The following SCAPER variants were observed in gnomAD, a reference collection of about 807,000 sequenced individuals.
The protein encoded by SCAPER is S-phase cyclin A associated protein in the ER, also known as S phase cyclin A-associated protein in the endoplasmic reticulum.
Under a neutral mutation model 182.2 loss-of-function variants are expected in SCAPER, and 98 were observed. That is an observed-to-expected ratio of 0.54 (90% CI 0.46 to 0.64). The LOEUF (loss-of-function observed/expected upper bound fraction) is 0.64. Among genes scored for constraint, SCAPER ranks in the 30% least tolerant of loss-of-function variants. The pLI is 0.00. For synonymous variants in SCAPER, 605 were observed against 564.6 expected (o/e 1.07, Z -1.01); for missense variants, 1,432 against 1,690.0 (o/e 0.85, Z 2.68).
At chr15:76,673,506 A>G (rs191067325) in intron 20 of SCAPER, among the ~76,000 whole-genome samples, 1 of 152,130 alleles carries the variant, frequency 6.6e-6, no homozygotes, top group Non-Finnish European at 1.5e-5. Flanking sequence ...TAGAGTAAAT[A>G]TGGTTATATT....
chr15:76,481,955 T>G (rs1220467323), intron 24 of SCAPER, among the ~76,000 whole-genome samples: 1 of 152,244 alleles, frequency 6.6e-6, no homozygotes, highest in East Asian at 1.9e-4. Flanking sequence ...TTCTTCAGCA[T>G]TTCCTGAAAA....
rs115601854 is a variant in SCAPER at position 76,818,001 on chromosome 15, A to G, written c.394-13368T>C. 9.1e-3 allele frequency among the ~76,000 whole-genome samples: 1,387 copies of G among 152,314 alleles called. 21 individuals are homozygous for G. The highest frequency in any genetic ancestry group is 0.032 in the African/African-American group (1,348 of 41,558). Reference sequence around the variant, plus strand: ...CAAAAGACTCAGTAGAGCCAATACAATTTTGAAGAACAAAGCTGGTGGACT... The same window carrying G: ...CAAAAGACTCAGTAGAGCCAATACAGTTTTGAAGAACAAAGCTGGTGGACT... On this transcript the variant is annotated intron_variant, in intron 5 of 31. Transcript: ENST00000563290.
intron 20 of SCAPER, among the ~76,000 whole-genome samples, chr15:76,695,826 T>A (rs2058630928): frequency 6.6e-6 from 1 of 150,858 alleles, no homozygotes. Context: ...CACATACATT[T>A]ACACACACAC....
At chr15:76,688,181 A>G (rs1259591912) in intron 20 of SCAPER, among the ~76,000 whole-genome samples, 1 of 151,154 alleles carries the variant, frequency 6.6e-6, no homozygotes, top group Non-Finnish European at 1.5e-5. Context: ...GCATTTCTCT[A>G]ATGACCAGTG....
chr15:76,792,616 A>C (rs1417338972), intron 8 of SCAPER, among the ~76,000 whole-genome samples: 1 of 152,254 alleles, frequency 6.6e-6, no homozygotes, highest in Admixed American at 6.5e-5. Context: ...CCTTGTTGGA[A>C]GCCAGATGAC....
chr15:76,372,896 T>C (rs1361571436), intron 29 of SCAPER, among the ~76,000 whole-genome samples: 1 of 152,194 alleles, frequency 6.6e-6, no homozygotes, highest in African/African-American at 2.4e-5. Flanking sequence ...CTCAGCCATG[T>C]AAAATTAGTC....
At position 76,348,373 on chromosome 15, in the gene SCAPER, A is replaced by C. The variant is rs2040310111; in HGVS notation, c.*260T>G. ...CTCCTTTCACCCATATCACAAATGC[A>C]AAGTATATATTATCATAAGATGGAA... On this transcript the variant is annotated 3_prime_UTR_variant, in exon 32 of 32. Transcript: ENST00000563290. 2 of 246,436 alleles carry C rather than the reference A, an allele frequency of 8.1e-6. No individual in the cohort carries two copies. Among genetic ancestry groups the C allele is most frequent in the African/African-American group, 4.5e-5 (2 of 44,800 alleles). 15.3% of individuals were successfully genotyped at this position (246,436 alleles called of 1,614,324 possible). A position where few individuals can be genotyped will look rare whatever the true frequency, so the allele number is the denominator to read the frequency against.
intron 20 of SCAPER, among the ~76,000 whole-genome samples, chr15:76,695,033 T>G (rs2147177226): frequency 6.6e-6 from 1 of 152,290 alleles, no homozygotes; most frequent in East Asian, 1.9e-4. Flanking sequence ...GGACCTTCTT[T>G]AAGATATTTA....
At chr15:76,893,907 AC>A (rs1216459605) in intron 1 of SCAPER, among the ~76,000 whole-genome samples, 2 of 152,228 alleles carry the variant, frequency 1.3e-5, no homozygotes, top group Non-Finnish European at 2.9e-5. Flanking sequence ...CTTATGGAAT[AC>A]AATAAAAGCA....
intron 22 of SCAPER, among the ~76,000 whole-genome samples, chr15:76,581,801 G>T (rs1432854152): frequency 6.6e-6 from 1 of 151,942 alleles, no homozygotes; most frequent in Non-Finnish European, 1.5e-5. Flanking sequence ...GCCCAGGCTG[G>T]TCTCGAACTC....
intron 26 of SCAPER, among the ~76,000 whole-genome samples, chr15:76,430,030 G>T (rs553660917): frequency 6.6e-6 from 1 of 152,282 alleles, no homozygotes; most frequent in South Asian, 2.1e-4. Flanking sequence ...TGGCTAAAGG[G>T]GCCAAGATAC....
At chr15:76,735,093 C>T (rs1159214859) in intron 15 of SCAPER, among the ~76,000 whole-genome samples, 4 of 152,006 alleles carry the variant, frequency 2.6e-5, no homozygotes, top group Non-Finnish European at 5.9e-5. Flanking sequence ...TGCCTGTAAT[C>T]CCAGCACGTT....
chr15:76,559,698 T>G (rs767337762), intron 23 of SCAPER, among the ~76,000 whole-genome samples: 20 of 152,064 alleles, frequency 1.3e-4, no homozygotes, highest in Non-Finnish European at 2.5e-4. Context: ...TGAGTACACA[T>G]GAACACAAAG....
intron 26 of SCAPER, among the ~76,000 whole-genome samples, chr15:76,429,426 T>A (rs1215151140): frequency 6.6e-6 from 1 of 152,182 alleles, no homozygotes; most frequent in Non-Finnish European, 1.5e-5. Context: ...TGGAACTTCT[T>A]AAGAGACTTG....
chr15:76,351,053 G>T (rs1232254109), intron 31 of SCAPER, 184 bp downstream of exon 31: 6 of 478,306 alleles, frequency 1.3e-5, no homozygotes, highest in African/African-American at 9.9e-5. Flanking sequence ...ATATTTGGAT[G>T]CATTCATGCT....
chr15:76,354,281 A>T lies in SCAPER; in HGVS notation c.3856-141T>A. The T allele has an allele frequency of 1.7e-6, 1 of 591,432 alleles. No individual in the cohort carries two copies. Among genetic ancestry groups the T allele is most frequent in the Non-Finnish European group, 2.7e-6 (1 of 369,108 alleles). 36.6% of individuals were successfully genotyped at this position (591,432 alleles called of 1,614,324 possible). On this transcript the variant is annotated intron_variant, in intron 29 of 31. Transcript: ENST00000563290. This position sits in a 1 kb window ranked among gnomAD's most constrained non-coding sequence, Gnocchi z 4.4. ...GACTCCTGACTCCGTACCAGAGCTT[A>T]ATTTAAGTGATACTTGAAAAGAGCA...
intron 15 of SCAPER, among the ~76,000 whole-genome samples, chr15:76,741,404 T>G (rs1405342602): frequency 6.6e-6 from 1 of 152,122 alleles, no homozygotes; most frequent in African/African-American, 2.4e-5. Flanking sequence ...AGTAATGGAT[T>G]TATACTTAGG....
intron 22 of SCAPER, among the ~76,000 whole-genome samples, chr15:76,576,137 G>A (rs57682236): frequency 0.27 from 40,381 of 152,114 alleles, 6,288 homozygotes; most frequent in East Asian, 0.55. Flanking sequence ...CAAGGCAGGA[G>A]GTTCACTTGA....
chr15:76,851,357 C>G (rs1300625567), intron 4 of SCAPER, among the ~76,000 whole-genome samples: 2 of 152,204 alleles, frequency 1.3e-5, no homozygotes, highest in East Asian at 3.9e-4. Flanking sequence ...AGATTCTACA[C>G]AAGAAGATCA....
Sources: allele counts gnomAD v4.1 joint callset (sites outside exome capture counted in the v4.1 genomes callset), GRCh38; gene constraint gnomAD v4.1.1; non-coding constraint Gnocchi (gnomAD v3.1); transcripts MANE v1.5; gene names NCBI Gene and HGNC (gene_info 2026-07-23, HGNC 2026-07-21).